CDC14B: variants seen among roughly 807,000 people sequenced by gnomAD.
CDC14B encodes the protein dual specificity protein phosphatase CDC14B.
A neutral mutation model predicts 64.2 loss-of-function variants in CDC14B; 22 were observed. The ratio of observed to expected loss-of-function variants is 0.34; its 90% CI spans 0.24 to 0.49. The LOEUF (loss-of-function observed/expected upper bound fraction) is 0.49, where lower values mean the gene tolerates loss of function less well. CDC14B is among the 20% of genes least tolerant of loss of function. The pLI, the probability that CDC14B is intolerant of heterozygous loss-of-function variation, is 0.99. For synonymous variants in CDC14B, 191 were observed against 215.8 expected, an observed-to-expected ratio of 0.89 and a Z score of 1.01; for missense variants, 498 against 629.9, an observed-to-expected ratio of 0.79 and a Z score of 2.24.
In CDC14B at chr9:96,515,726, G is replaced by A. The variant is rs1302994148; in HGVS notation, c.1344-5937C>T. On this transcript the variant is annotated intron_variant, in intron 12 of 13. Coordinates refer to ENST00000375241, the MANE Select transcript of CDC14B (RefSeq NM_033331.4). The surrounding 1 kb of genome is among the most constrained non-coding windows in gnomAD (Gnocchi z 4.3). ...GACAGAATAGCAGGATGGGAAGAAT[G>A]TAGTCACAAACAATCCACCAGATGA... 8 of 1,606,530 alleles carry A rather than the reference G, an allele frequency of 5.0e-6. No homozygotes were observed. Among genetic ancestry groups the A allele is most frequent in the Non-Finnish European group, 6.8e-6 (8 of 1,177,032 alleles).
At chr9:96,618,632 G>A (rs372488884) in intron 1 of CDC14B, 3 of 529,218 alleles carry the variant, frequency 5.7e-6, no homozygotes, top group Non-Finnish European at 1.2e-5. Context: ...GAGGCGTTCG[G>A]GGGGCGCGCT....
intron 2 of CDC14B, among the ~76,000 whole-genome samples, chr9:96,565,089 C>CT (rs1843722671): frequency 6.6e-6 from 1 of 152,102 alleles, no homozygotes; most frequent in Non-Finnish European, 1.5e-5. Context: ...ATGAACATAC[C>CT]TTCTAAATTA....
At chr9:96,523,864 G>T in intron 9 of CDC14B, 139 bp from the exon 10 acceptor site, 1 of 766,826 alleles carries the variant, frequency 1.3e-6, no homozygotes, top group Non-Finnish European at 2.1e-6. Context: ...TTACACTCTG[G>T]AATCACCTAG....
chr9:96,558,567 TCTC>T, intron 4 of CDC14B, among the ~76,000 whole-genome samples: 1 of 152,234 alleles, frequency 6.6e-6, no homozygotes, highest in Non-Finnish European at 1.5e-5. Flanking sequence ...TTTTTAAATT[TCTC>T]AAGAGTGCAA....
intron 3 of CDC14B, among the ~76,000 whole-genome samples, chr9:96,563,335 G>A (rs1216494453): frequency 9.9e-5 from 15 of 152,168 alleles, no homozygotes; most frequent in Admixed American, 9.8e-4. Flanking sequence ...CATCCATGAT[G>A]TGTACATATT....
At position 96,561,734 on chromosome 9, in the gene CDC14B, G is replaced by A. The variant is rs191976775; in HGVS notation, c.420+959C>T. Among the ~76,000 whole-genome samples, 43 of 151,008 alleles carry A rather than the reference G, an allele frequency of 2.8e-4. 1 individual carries two copies. The South Asian group carries it at 3.6e-3, about 13-fold the overall frequency. On this transcript the variant is annotated intron_variant, in intron 4 of 13. Transcript: ENST00000375241. ...GATCTCCTGACCTCATGATCTGCCC[G>A]CCTCAGCCTCCCAAAGTGCTGGGAT...
At chr9:96,595,557 G>GAGA (rs1407643405) in intron 1 of CDC14B, among the ~76,000 whole-genome samples, 1 of 152,132 alleles carries the variant, frequency 6.6e-6, no homozygotes, top group African/African-American at 2.4e-5. Context: ...AGCCTAAAAG[G>GAGA]AGAAACAACT....
intron 9 of CDC14B, among the ~76,000 whole-genome samples, chr9:96,527,134 G>A (rs1343744472): frequency 3.3e-5 from 5 of 152,168 alleles, no homozygotes; most frequent in Admixed American, 2.0e-4. Flanking sequence ...GGCCGGGTGC[G>A]GTGGCTTACA....
chr9:96,555,928 C>T (rs899968869), intron 4 of CDC14B, among the ~76,000 whole-genome samples: 7 of 137,920 alleles, frequency 5.1e-5, no homozygotes, highest in Non-Finnish European at 8.2e-5. Flanking sequence ...CGTTTCAAAA[C>T]CTCGGAGGTA....
rs1190850410 is a variant in CDC14B, at chr9:96,501,404, A to T, written c.*2349T>A. 2 of 152,214 alleles carry T rather than the reference A, an allele frequency of 1.3e-5. No individual in the cohort carries two copies. The highest frequency in any genetic ancestry group is 6.5e-5 in the Admixed American group (1 of 15,280). 9.4% of individuals were successfully genotyped at this position (152,214 alleles called of 1,614,324 possible). A position where few individuals can be genotyped will look rare whatever the true frequency, so the allele number is the denominator to read the frequency against. ...AAGGTCTTCTATAACAACGACTCTA[A>T]GTCAGAATTCCAGAAGATTCTGGTT... On this transcript the variant is annotated 3_prime_UTR_variant, in exon 14 of 14. Coordinates refer to ENST00000375241, the MANE Select transcript of CDC14B (RefSeq NM_033331.4).
At position 96,534,489 on chromosome 9, in the gene CDC14B, G is replaced by T; in HGVS notation, c.681C>A (p.Phe227Leu). 6.2e-7 allele frequency: 1 copy of T among 1,613,218 alleles called. No individual in the cohort carries two copies. Residue 227 changes from phenylalanine to leucine, a missense_variant, in exon 8 of 14, where the codon TTC becomes TTA. By Grantham distance (22) the Phe-to-Leu change is conservative. Coordinates refer to ENST00000375241, the MANE Select transcript of CDC14B (RefSeq NM_033331.4). ...NWIIPDRFIA[F>L]CGPHSRARLE... ...GTCTGGCTCTTGAATGAGGTCCACA[G>T]AAGGCAATAAATCGGTCTGGTATTA...
At position 96,544,175 on chromosome 9, in the gene CDC14B, C is replaced by T. The variant is rs144033257; in HGVS notation, c.498-2283G>A. Among the ~76,000 whole-genome samples the T allele has an allele frequency of 8.4e-3, 1,277 of 152,038 alleles. 21 individuals are homozygous for T. The highest frequency in any genetic ancestry group is 0.045 in the Middle Eastern group (13 of 292). On this transcript the variant is annotated intron_variant, in intron 5 of 13. Transcript: ENST00000375241. ...GAGGTTGCAATGAGCCAAGATCGCACGCCACTGCACTCCAGCCTGGTGACA... is the reference window on the plus strand; with the variant it reads ...GAGGTTGCAATGAGCCAAGATCGCATGCCACTGCACTCCAGCCTGGTGACA...
intron 1 of CDC14B, among the ~76,000 whole-genome samples, chr9:96,591,523 T>C (rs1446638860): frequency 6.6e-6 from 1 of 152,164 alleles, no homozygotes; most frequent in Non-Finnish European, 1.5e-5. Flanking sequence ...CCTCTAGCTT[T>C]TTTTTTCTTT....
chr9:96,603,600 A>C lies in CDC14B; in HGVS notation c.160+15619T>G, dbSNP rs16911408. On this transcript the variant is annotated intron_variant, in intron 1 of 13. Transcript: ENST00000375241. ...ACTGACATTCGAGAAACTGCAGAAAAATTATTTCTAAAACTATTAAGCTTC... is the reference window on the plus strand; with the variant it reads ...ACTGACATTCGAGAAACTGCAGAAACATTATTTCTAAAACTATTAAGCTTC... Among the ~76,000 whole-genome samples, 869 of 152,340 alleles carry C rather than the reference A, an allele frequency of 5.7e-3. 10 individuals carry two copies. The highest frequency in any genetic ancestry group is 0.02 in the African/African-American group (812 of 41,584).
intron 12 of CDC14B, among the ~76,000 whole-genome samples, chr9:96,512,269 A>AC (rs941205858): frequency 1.8e-4 from 27 of 150,124 alleles, no homozygotes; most frequent in African/African-American, 6.4e-4. Flanking sequence ...GACAACTATT[A>AC]CCCTGGCTTG....
intron 4 of CDC14B, among the ~76,000 whole-genome samples, chr9:96,559,538 CT>C (rs1762807754): frequency 6.6e-6 from 1 of 152,212 alleles, no homozygotes; most frequent in African/African-American, 2.4e-5. Flanking sequence ...GCTTCACTTG[CT>C]TTGATGTGTT....
intron 1 of CDC14B, among the ~76,000 whole-genome samples, chr9:96,605,583 T>C (rs1791377669): frequency 6.6e-6 from 1 of 152,234 alleles, no homozygotes; most frequent in African/African-American, 2.4e-5. Context: ...CTGTGAGTGC[T>C]TCCTGGGATC....
At chr9:96,544,226 T>A (rs968832918) in intron 5 of CDC14B, among the ~76,000 whole-genome samples, 2 of 151,670 alleles carry the variant, frequency 1.3e-5, no homozygotes, top group Non-Finnish European at 2.9e-5. Context: ...CTCAAAAAAA[T>A]AAAATAAAAT....
chr9:96,572,334 C>T (rs1010070820), intron 1 of CDC14B, among the ~76,000 whole-genome samples: 11 of 152,152 alleles, frequency 7.2e-5, no homozygotes, highest in Non-Finnish European at 1.5e-4. Flanking sequence ...TGCTGAGGCC[C>T]GGACTTGTGA....
Sources: gnomAD v4.1 joint callset for allele counts (sites outside exome capture counted in the v4.1 genomes callset) on GRCh38, gnomAD v4.1.1 for gene constraint, Gnocchi (gnomAD v3.1) non-coding constraint, MANE v1.5 for transcripts, NCBI Gene and HGNC (gene_info 2026-07-23, HGNC 2026-07-21) for gene names.